The following SERGEF variants were observed in gnomAD, a reference collection of about 807,000 sequenced individuals.
SERGEF encodes the protein secretion regulating guanine nucleotide exchange factor.
Under a neutral mutation model 50.0 loss-of-function variants are expected in SERGEF, and 51 were observed. The ratio of observed to expected loss-of-function variants is 1.02; its 90% CI spans 0.81 to 1.29. SERGEF has a LOEUF of 1.29. SERGEF is among the 50% of genes most tolerant of loss of function. The probability of loss-of-function intolerance (pLI) is 0.00; values close to 1 mark genes in which losing one functional copy is unlikely to be tolerated. For synonymous variants in SERGEF, 205 were observed against 212.4 expected, an observed-to-expected ratio of 0.97 and a Z score of 0.30; for missense variants, 521 against 557.0, an observed-to-expected ratio of 0.94 and a Z score of 0.65.
intron 1 of SERGEF, 159 bp downstream of exon 1, chr11:18,012,786 CGCTCCT>C: frequency 1.3e-5 from 15 of 1,158,398 alleles, no homozygotes; most frequent in Non-Finnish European, 1.6e-5. Flanking sequence ...CCCGCCCGCC[CGCTCCT>C]CCTCCGCTCC....
intron 10 of SERGEF, among the ~76,000 whole-genome samples, chr11:17,832,984 C>T (rs1465319762): frequency 1.3e-5 from 2 of 152,140 alleles, no homozygotes; most frequent in African/African-American, 2.4e-5. Context: ...TGACAATGCA[C>T]TACAAAAGAA....
chr11:17,998,440 CATATATAT>C (rs60861006), intron 5 of SERGEF, among the ~76,000 whole-genome samples: 2,973 of 32,778 alleles, frequency 0.091, 68 homozygotes, highest in Middle Eastern at 0.21. Flanking sequence ...TACATACATA[CATATATAT>C]ATATATATAT....
At chr11:17,792,479 C>G (rs1849499085) in intron 10 of SERGEF, among the ~76,000 whole-genome samples, 1 of 152,188 alleles carries the variant, frequency 6.6e-6, no homozygotes, top group Non-Finnish European at 1.5e-5. Flanking sequence ...CAGTGGGAAG[C>G]TGGCAGGTGC....
intron 10 of SERGEF, among the ~76,000 whole-genome samples, chr11:17,852,133 T>C (rs1258051072): frequency 2.0e-5 from 3 of 152,062 alleles, no homozygotes; most frequent in Non-Finnish European, 4.4e-5. Context: ...ACCCATGATC[T>C]CATCTGTGCT....
chr11:17,918,620 GAACA>G (rs1361806554), intron 9 of SERGEF: 7 of 195,298 alleles, frequency 3.6e-5, no homozygotes, highest in Non-Finnish European at 6.2e-5. Context: ...AATAAAGCAG[GAACA>G]GACACACACA....
intron 9 of SERGEF, among the ~76,000 whole-genome samples, chr11:17,905,645 G>C (rs1282938848): frequency 6.6e-6 from 1 of 152,182 alleles, no homozygotes; most frequent in Non-Finnish European, 1.5e-5. Flanking sequence ...CATGACAGGA[G>C]TCAGAGGTGA....
intron 9 of SERGEF, among the ~76,000 whole-genome samples, chr11:17,913,149 C>T (rs56276496): frequency 0.054 from 8,267 of 152,290 alleles, 731 homozygotes; most frequent in African/African-American, 0.19. Context: ...CCTGGGGATG[C>T]ACTGGCTACC....
intron 10 of SERGEF, among the ~76,000 whole-genome samples, chr11:17,865,775 T>C (rs1204307809): frequency 6.6e-6 from 1 of 152,228 alleles, no homozygotes; most frequent in Non-Finnish European, 1.5e-5. Flanking sequence ...TAGTAAGCTA[T>C]GGTTAATTTA....
chr11:17,959,019 C>T (rs1372130119), intron 9 of SERGEF, among the ~76,000 whole-genome samples: 1 of 152,098 alleles, frequency 6.6e-6, no homozygotes, highest in Non-Finnish European at 1.5e-5. Flanking sequence ...CAGGTGTGTG[C>T]CACCACGCCC....
chr11:18,011,920 C>T (rs1054245860), intron 1 of SERGEF, among the ~76,000 whole-genome samples: 1 of 152,156 alleles, frequency 6.6e-6, no homozygotes, highest in South Asian at 2.1e-4. Context: ...CCGCCTTGTA[C>T]TGATCATTAC....
chr11:17,917,038 C>G (rs556750509), intron 9 of SERGEF, among the ~76,000 whole-genome samples: 1 of 152,150 alleles, frequency 6.6e-6, no homozygotes, highest in Non-Finnish European at 1.5e-5. Flanking sequence ...AGTAGAACTA[C>G]CATTTGATCC....
intron 10 of SERGEF, among the ~76,000 whole-genome samples, chr11:17,802,444 A>G (rs2048587503): frequency 6.6e-6 from 1 of 152,042 alleles, no homozygotes. Flanking sequence ...GGGGCTAGAG[A>G]CTTTGAGGCT....
At chr11:17,882,196 G>A (rs1673481435) in intron 9 of SERGEF, among the ~76,000 whole-genome samples, 1 of 151,998 alleles carries the variant, frequency 6.6e-6, no homozygotes, top group Non-Finnish European at 1.5e-5. Context: ...CGGGGGGATC[G>A]TTTGAGGCCA....
At chr11:17,904,849 G>A (rs916164398) in intron 9 of SERGEF, among the ~76,000 whole-genome samples, 1 of 152,146 alleles carries the variant, frequency 6.6e-6, no homozygotes, top group African/African-American at 2.4e-5. Context: ...TTGAGAACTG[G>A]ATCAGTCCTG....
chr11:17,954,011 C>T (rs1590216038), intron 9 of SERGEF, among the ~76,000 whole-genome samples: 1 of 152,202 alleles, frequency 6.6e-6, no homozygotes, highest in South Asian at 2.1e-4. Context: ...CACTACTACC[C>T]ATTTTAAGCA....
At chr11:17,925,681 A>G (rs1256366707) in intron 9 of SERGEF, among the ~76,000 whole-genome samples, 1 of 152,166 alleles carries the variant, frequency 6.6e-6, no homozygotes, top group Admixed American at 6.5e-5. Context: ...AGGGAGGCAC[A>G]TTTCCATCTT....
intron 9 of SERGEF, among the ~76,000 whole-genome samples, chr11:17,908,322 T>C (rs1182110792): frequency 6.6e-6 from 1 of 152,314 alleles, no homozygotes; most frequent in African/African-American, 2.4e-5. Flanking sequence ...ATGTGCAGCT[T>C]TGGATCTTCA....
rs534394855 is a variant in SERGEF at position 18,006,742 on chromosome 11, T to A, written c.201A>T (p.Gly67=). The change falls in exon 3 of 11, where the codon GGA becomes GGT. Residue 67 remains glycine, a synonymous_variant. Coordinates refer to ENST00000265965, the MANE Select transcript of SERGEF (RefSeq NM_012139.4). ...TCAGGCCACAAACAAAGAGGTCTCC[T>A]CCATCTGCAAAATATAAAGGCATCA... is the stretch of plus-strand genomic sequence containing the variant. ...GGGHSAVVTD[G]GDLFVCGLNK... is the part of the protein sequence containing the mutation. The A allele has an allele frequency of 6.2e-7, 1 of 1,614,004 alleles. No individual in the cohort carries two copies. Among genetic ancestry groups the A allele is most frequent in the South Asian group, 1.1e-5 (1 of 91,056 alleles).
intron 8 of SERGEF, among the ~76,000 whole-genome samples, chr11:17,979,616 T>C (rs544648233): frequency 2.8e-4 from 43 of 152,336 alleles, no homozygotes; most frequent in Admixed American, 4.6e-4. Context: ...AATGCAAGTA[T>C]ACAAGTAGAT....
Sources: gnomAD v4.1 joint callset for allele counts (sites outside exome capture counted in the v4.1 genomes callset) on GRCh38, gnomAD v4.1.1 for gene constraint, MANE v1.5 for transcripts, NCBI Gene and HGNC (gene_info 2026-07-23, HGNC 2026-07-21) for gene names.